The following KCNF1 variants were observed in gnomAD, a reference collection of about 807,000 sequenced individuals.
The protein encoded by KCNF1 is voltage-gated potassium channel regulatory subunit KCNF1.
In KCNF1, 9 loss-of-function variants were observed where a neutral mutation model predicts 28.6. The observed-to-expected ratio is 0.31, with a 90% CI of 0.19 to 0.55. The LOEUF is 0.55. Ranked by LOEUF, KCNF1 falls within the 20% of genes least tolerant of loss-of-function variation. The probability of loss-of-function intolerance (pLI) is 0.93; values close to 1 mark genes in which losing one functional copy is unlikely to be tolerated. For missense variants in KCNF1, 461 were observed against 684.2 expected, an observed-to-expected ratio of 0.67 and a Z score of 3.64; for synonymous variants, 328 against 299.6, an observed-to-expected ratio of 1.09 and a Z score of -0.98.
At position 10,913,739 on chromosome 2, in the gene KCNF1, G is replaced by C; in HGVS notation, c.1313G>C (p.Gly438Ala). 1.2e-6 allele frequency: 2 copies of C among 1,613,452 alleles called. No individual in the cohort carries two copies. Among genetic ancestry groups the C allele is most frequent in the African/African-American group, 1.3e-5 (1 of 75,052 alleles). Residue 438 changes from glycine (G) to alanine (A), a missense_variant, in exon 1 of 1, where the codon GGC becomes GCC. Transcript: ENST00000295082. This position sits in a 1 kb window ranked among gnomAD's most constrained non-coding sequence, Gnocchi z 5.5. Reference sequence around the variant, plus strand: ...ATGGAACTCAACTCCAGCAGCGGGGGCGAGGGCAAGACCGGGGGCTCCCGC... The same window carrying C: ...ATGGAACTCAACTCCAGCAGCGGGGCCGAGGGCAAGACCGGGGGCTCCCGC... ...ELMELNSSSG[G>A]EGKTGGSRSD...
rs1396158118 is a variant in KCNF1, at chr2:10,912,432, C to A, written c.6C>A (p.Asp2Glu). 1.5e-6 allele frequency: 2 copies of A among 1,339,748 alleles called. No individual in the cohort carries two copies. Among genetic ancestry groups the A allele is most frequent in the Non-Finnish European group, 1.9e-6 (2 of 1,047,916 alleles). 83.0% of individuals were successfully genotyped at this position (1,339,748 alleles called of 1,614,324 possible). The change falls in exon 1 of 1, where the codon GAC (aspartate) becomes GAA (glutamate). Residue 2 changes from aspartate (D) to glutamate (E), a missense_variant. Transcript: ENST00000295082. The surrounding 1 kb of genome is among the most constrained non-coding windows in gnomAD (Gnocchi z 7.9). ...CGAGGGCGCGCGCGGGGAGGATGGACGGGTCCGGGGAGCGCAGCCTCCCGG... is the reference window on the plus strand; with the variant it reads ...CGAGGGCGCGCGCGGGGAGGATGGAAGGGTCCGGGGAGCGCAGCCTCCCGG... M[D>E]GSGERSLPEP... is the part of the protein sequence containing the mutation.
In KCNF1 at chr2:10,914,181, C is replaced by T. The variant is rs916566501; in HGVS notation, c.*270C>T. Reference sequence around the variant, plus strand: ...GCGGCCTGGCTGGCACGAGAGCCCACGCCCGCTTCTGTATCTCCCTCAATA... The same window carrying T: ...GCGGCCTGGCTGGCACGAGAGCCCATGCCCGCTTCTGTATCTCCCTCAATA... On this transcript the variant is annotated 3_prime_UTR_variant, in exon 1 of 1. Coordinates refer to ENST00000295082, the MANE Select transcript of KCNF1 (RefSeq NM_002236.5). The T allele has an allele frequency of 1.2e-5, 5 of 408,440 alleles. No homozygotes were observed. Among genetic ancestry groups the T allele is most frequent in the South Asian group, 7.7e-5 (1 of 12,966 alleles). The allele number at this position is 408,440 out of a possible 1,614,324, so 25.3% of individuals were successfully genotyped here.
At position 10,913,714 on chromosome 2, in the gene KCNF1, A is replaced by T. The variant is rs1297767109; in HGVS notation, c.1288A>T (p.Met430Leu). The T allele has an allele frequency of 6.2e-6, 10 of 1,613,868 alleles. No homozygotes were observed. The change falls in exon 1 of 1, where the codon ATG becomes TTG. Residue 430 changes from methionine to leucine, a missense_variant. Physicochemically the swap from Met to Leu is conservative, Grantham distance 15. Transcript: ENST00000295082. The surrounding 1 kb of genome is among the most constrained non-coding windows in gnomAD (Gnocchi z 5.5). ...CGCGGCCAAGCACGAGCTGGAGCTG[A>T]TGGAACTCAACTCCAGCAGCGGGGG... ...ETAAKHELEL[M>L]ELNSSSGGEG... is the part of the protein sequence containing the mutation.
Position 10,912,714 on chromosome 2 carries a change from G to T in KCNF1, c.288G>T (p.Gly96=), listed in dbSNP as rs1259626941. 1.2e-6 allele frequency: 2 copies of T among 1,614,028 alleles called. No homozygotes were observed. The highest frequency in any genetic ancestry group is 4.5e-5 in the East Asian group (2 of 44,880). ...GTGTCATCGAGGTGTACTATTTCGG[G>T]GAGGTCCACATGAAGAAGGGCATCT... is the stretch of plus-strand genomic sequence containing the variant. ...FKCVIEVYYF[G]EVHMKKGICP... The change falls in exon 1 of 1, where the codon GGG becomes GGT. Residue 96 remains glycine, a synonymous_variant. Coordinates refer to ENST00000295082, the MANE Select transcript of KCNF1 (RefSeq NM_002236.5). The surrounding 1 kb of genome is among the most constrained non-coding windows in gnomAD (Gnocchi z 7.9).
At position 10,913,689 on chromosome 2, in the gene KCNF1, C is replaced by A. The variant is rs144040411; in HGVS notation, c.1263C>A (p.Thr421=). Residue 421 remains threonine, a synonymous_variant, in exon 1 of 1, where the codon ACC becomes ACA. Transcript: ENST00000295082. The surrounding 1 kb of genome is among the most constrained non-coding windows in gnomAD (Gnocchi z 5.5). ...ACAACAAGCAGCGCGTCCTGGAGAC[C>A]GCGGCCAAGCACGAGCTGGAGCTGA... is the stretch of plus-strand genomic sequence containing the variant. ...RYYNKQRVLE[T]AAKHELELME... 6.2e-6 allele frequency: 10 copies of A among 1,613,940 alleles called. No individual in the cohort carries two copies. Among genetic ancestry groups the A allele is most frequent in the South Asian group, 2.2e-5 (2 of 91,076 alleles).
chr2:10,913,812 G>A lies in KCNF1; in HGVS notation c.1386G>A (p.Pro462=), dbSNP rs764318856. 8.3e-6 allele frequency: 13 copies of A among 1,573,986 alleles called. No homozygotes were observed. Among genetic ancestry groups the A allele is most frequent in the Admixed American group, 5.4e-5 (3 of 55,262 alleles). Residue 462 remains proline, a synonymous_variant, in exon 1 of 1, where the codon CCG becomes CCA. Coordinates refer to ENST00000295082, the MANE Select transcript of KCNF1 (RefSeq NM_002236.5). The surrounding 1 kb of genome is among the most constrained non-coding windows in gnomAD (Gnocchi z 5.5). ...LPPEPAGKEA[P]SCSSRLKLSH... ...CAGAGCCTGCGGGGAAGGAGGCGCC[G>A]AGCTGCAGCAGCCGGCTGAAGCTCT...
chr2:10,912,789 G>C lies in KCNF1; in HGVS notation c.363G>C (p.Lys121Asn). Residue 121 changes from lysine to asparagine, a missense_variant, in exon 1 of 1, where the codon AAG becomes AAC. Physicochemically the swap from Lys to Asn is moderately conservative, Grantham distance 94. Around this residue, in one of 4 missense-constraint regions of KCNF1, gnomAD observed 193 missense variants for 280.6 expected, o/e 0.69. Coordinates refer to ENST00000295082, the MANE Select transcript of KCNF1 (RefSeq NM_002236.5). This position sits in a 1 kb window ranked among gnomAD's most constrained non-coding sequence, Gnocchi z 7.9. ...NEMDFWKVDLKFLDDCCKSHL... is the reference protein window; with the variant it reads ...NEMDFWKVDLNFLDDCCKSHL... ...TGGACTTCTGGAAGGTGGACCTCAAGTTCCTGGACGACTGTTGCAAGAGCC... is the reference window on the plus strand; with the variant it reads ...TGGACTTCTGGAAGGTGGACCTCAACTTCCTGGACGACTGTTGCAAGAGCC... The C allele has an allele frequency of 6.2e-7, 1 of 1,614,076 alleles. No individual in the cohort carries two copies. Among genetic ancestry groups the C allele is most frequent in the Middle Eastern group, 1.6e-4 (1 of 6,062 alleles).
At position 10,912,489 on chromosome 2, in the gene KCNF1, C is replaced by G; in HGVS notation, c.63C>G (p.Asp21Glu). ...GCAGCCAGAGCTCCGCTGCCAGCGA[C>G]GACATAGAGATAGTCGTCAACGTGG... Reference protein sequence around the residue: ...EPGSQSSAASDDIEIVVNVGG... With the variant: ...EPGSQSSAASEDIEIVVNVGG... Residue 21 changes from aspartate to glutamate, a missense_variant, in exon 1 of 1, where the codon GAC becomes GAG. By Grantham distance (45) the Asp-to-Glu change is conservative. Coordinates refer to ENST00000295082, the MANE Select transcript of KCNF1 (RefSeq NM_002236.5). This position sits in a 1 kb window ranked among gnomAD's most constrained non-coding sequence, Gnocchi z 7.9. 6.5e-7 allele frequency: 1 copy of G among 1,546,016 alleles called. No homozygotes were observed. Among genetic ancestry groups the G allele is most frequent in the East Asian group, 2.3e-5 (1 of 43,100 alleles).
rs1558490017 is a variant in KCNF1, at chr2:10,913,869, CGAG to C, written c.1447_1449del (p.Glu483del). 6.6e-7 allele frequency: 1 copy of C among 1,525,930 alleles called. No individual in the cohort carries two copies. Among genetic ancestry groups the C allele is most frequent in the Non-Finnish European group, 8.8e-7 (1 of 1,139,078 alleles). 94.5% of individuals were successfully genotyped at this position (1,525,930 alleles called of 1,614,324 possible). A position where few individuals can be genotyped will look rare whatever the true frequency, so the allele number is the denominator to read the frequency against. ...GCGACACCTTCATCCCCCTCCTGAC[CGAG>C]GAGAAGCACCACAGGACCCGGCTCC... On this transcript the variant is annotated inframe_deletion, in exon 1 of 1. Coordinates refer to ENST00000295082, the MANE Select transcript of KCNF1 (RefSeq NM_002236.5). The surrounding 1 kb of genome is among the most constrained non-coding windows in gnomAD (Gnocchi z 5.5).
Position 10,912,347 on chromosome 2 carries a change from C to T in KCNF1, c.-80C>T. The T allele has an allele frequency of 8.9e-7, 1 of 1,121,008 alleles. No homozygotes were observed. The highest frequency in any genetic ancestry group is 1.1e-6 in the Non-Finnish European group (1 of 896,536). 69.4% of individuals were successfully genotyped at this position (1,121,008 alleles called of 1,614,324 possible). A position where few individuals can be genotyped will look rare whatever the true frequency, so the allele number is the denominator to read the frequency against. On this transcript the variant is annotated 5_prime_UTR_variant, in exon 1 of 1. Transcript: ENST00000295082. The surrounding 1 kb of genome is among the most constrained non-coding windows in gnomAD (Gnocchi z 7.9). ...CCCCGAGATCAGCGCACGGGTGGCACCCGCCGGACCCCCAGCGGCAGCGGC... is the reference window on the plus strand; with the variant it reads ...CCCCGAGATCAGCGCACGGGTGGCATCCGCCGGACCCCCAGCGGCAGCGGC...
rs1410590337 is a variant in KCNF1 at position 10,913,753 on chromosome 2, G to T, written c.1327G>T (p.Gly443Trp). The T allele has an allele frequency of 2.5e-6, 4 of 1,611,946 alleles. No individual in the cohort carries two copies. The highest frequency in any genetic ancestry group is 3.4e-6 in the Non-Finnish European group (4 of 1,179,094). ...NSSSGGEGKTGGSRSDLDNLP... is the reference protein window; with the variant it reads ...NSSSGGEGKTWGSRSDLDNLP... ...CAGCAGCGGGGGCGAGGGCAAGACC[G>T]GGGGCTCCCGCAGTGACCTGGACAA... Residue 443 changes from glycine (G) to tryptophan (W), a missense_variant, in exon 1 of 1, where the codon GGG becomes TGG. This residue lies in a region of KCNF1 where 101 missense variants were observed against 102.2 expected (regional missense o/e 0.99). Coordinates refer to ENST00000295082, the MANE Select transcript of KCNF1 (RefSeq NM_002236.5). The surrounding 1 kb of genome is among the most constrained non-coding windows in gnomAD (Gnocchi z 5.5).
At position 10,913,090 on chromosome 2, in the gene KCNF1, C is replaced by A. The variant is rs754554904; in HGVS notation, c.664C>A (p.Leu222Met). 1 of 1,609,138 alleles carries A rather than the reference C, an allele frequency of 6.2e-7. No individual in the cohort carries two copies. Among genetic ancestry groups the A allele is most frequent in the East Asian group, 2.2e-5 (1 of 44,886 alleles). ...GGGCAACCGCGTGGAGCACCCGACG[C>A]TGGAGAACGTGGAGACGGCGTGCAT... is the stretch of plus-strand genomic sequence containing the variant. ...AEGNRVEHPT[L>M]ENVETACIGW... The change falls in exon 1 of 1, where the codon CTG becomes ATG. Residue 222 changes from leucine to methionine, a missense_variant. Leu to Met is a conservative substitution (Grantham distance 15, BLOSUM62 2). Transcript: ENST00000295082. This position sits in a 1 kb window ranked among gnomAD's most constrained non-coding sequence, Gnocchi z 5.5.
In KCNF1 at chr2:10,912,884, G is replaced by A; in HGVS notation, c.458G>A (p.Gly153Asp). ...RRVQLILDDL[G>D]VDAAEGRWRR... is the part of the protein sequence containing the mutation. ...GTGCAGCTCATCCTGGACGACCTGG[G>A]CGTGGACGCAGCCGAGGGCCGCTGG... is the stretch of plus-strand genomic sequence containing the variant. The change falls in exon 1 of 1, where the codon GGC becomes GAC. Residue 153 changes from glycine (G) to aspartate (D), a missense_variant. Transcript: ENST00000295082. The surrounding 1 kb of genome is among the most constrained non-coding windows in gnomAD (Gnocchi z 7.9). 1 of 1,612,842 alleles carries A rather than the reference G, an allele frequency of 6.2e-7. No individual in the cohort carries two copies. Among genetic ancestry groups the A allele is most frequent in the Non-Finnish European group, 8.5e-7 (1 of 1,179,780 alleles).
Position 10,913,742 on chromosome 2 carries a change from A to G in KCNF1, c.1316A>G (p.Glu439Gly), listed in dbSNP as rs1661581806. Residue 439 changes from glutamate (E) to glycine (G), a missense_variant, in exon 1 of 1, where the codon GAG becomes GGG. Around this residue, in one of 4 missense-constraint regions of KCNF1, gnomAD observed 101 missense variants for 102.2 expected, o/e 0.99. Coordinates refer to ENST00000295082, the MANE Select transcript of KCNF1 (RefSeq NM_002236.5). The surrounding 1 kb of genome is among the most constrained non-coding windows in gnomAD (Gnocchi z 5.5). ...GAACTCAACTCCAGCAGCGGGGGCG[A>G]GGGCAAGACCGGGGGCTCCCGCAGT... ...LMELNSSSGGEGKTGGSRSDL... is the reference protein window; with the variant it reads ...LMELNSSSGGGGKTGGSRSDL... 5 of 1,613,364 alleles carry G rather than the reference A, an allele frequency of 3.1e-6. No individual in the cohort carries two copies. The highest frequency in any genetic ancestry group is 4.2e-6 in the Non-Finnish European group (5 of 1,179,786).
chr2:10,913,164 C>T lies in KCNF1; in HGVS notation c.738C>T (p.Asn246=). 1 of 1,613,364 alleles carries T rather than the reference C, an allele frequency of 6.2e-7. No homozygotes were observed. Among genetic ancestry groups the T allele is most frequent in the Non-Finnish European group, 8.5e-7 (1 of 1,180,038 alleles). The change falls in exon 1 of 1, where the codon AAC becomes AAT. Residue 246 remains asparagine (N), a synonymous_variant. Coordinates refer to ENST00000295082, the MANE Select transcript of KCNF1 (RefSeq NM_002236.5). This position sits in a 1 kb window ranked among gnomAD's most constrained non-coding sequence, Gnocchi z 5.5. ...EYLLRLFSSP[N]KLHFALSFMN... ...TGCTGCGCCTCTTCTCGTCACCCAA[C>T]AAGCTGCACTTCGCGCTGTCCTTCA... is the stretch of plus-strand genomic sequence containing the variant.
In KCNF1 at chr2:10,913,140, G is replaced by A. The variant is rs1240533039; in HGVS notation, c.714G>A (p.Leu238=). 2 of 1,612,776 alleles carry A rather than the reference G, an allele frequency of 1.2e-6. No individual in the cohort carries two copies. The highest frequency in any genetic ancestry group is 1.7e-6 in the Non-Finnish European group (2 of 1,180,032). The change falls in exon 1 of 1, where the codon CTG becomes CTA. Residue 238 remains leucine, a synonymous_variant. Transcript: ENST00000295082. This position sits in a 1 kb window ranked among gnomAD's most constrained non-coding sequence, Gnocchi z 5.5. Reference sequence around the variant, plus strand: ...TTGGCTGGTTCACCCTGGAGTACCTGCTGCGCCTCTTCTCGTCACCCAACA... The same window carrying A: ...TTGGCTGGTTCACCCTGGAGTACCTACTGCGCCTCTTCTCGTCACCCAACA... ...ACIGWFTLEY[L]LRLFSSPNKL...
chr2:10,912,461 C>A lies in KCNF1; in HGVS notation c.35C>A (p.Pro12Gln), dbSNP rs979626268. ...TCCGGGGAGCGCAGCCTCCCGGAGCCGGGCAGCCAGAGCTCCGCTGCCAGC... is the reference window on the plus strand; with the variant it reads ...TCCGGGGAGCGCAGCCTCCCGGAGCAGGGCAGCCAGAGCTCCGCTGCCAGC... ...DGSGERSLPE[P>Q]GSQSSAASDD... The change falls in exon 1 of 1, where the codon CCG (proline) becomes CAG (glutamine). Residue 12 changes from proline to glutamine, a missense_variant. Coordinates refer to ENST00000295082, the MANE Select transcript of KCNF1 (RefSeq NM_002236.5). The surrounding 1 kb of genome is among the most constrained non-coding windows in gnomAD (Gnocchi z 7.9). 5 of 1,474,746 alleles carry A rather than the reference C, an allele frequency of 3.4e-6. No individual in the cohort carries two copies. Among genetic ancestry groups the A allele is most frequent in the Non-Finnish European group, 4.5e-6 (5 of 1,113,858 alleles). The allele number at this position is 1,474,746 out of a possible 1,614,324, so 91.4% of individuals were successfully genotyped here. A position where few individuals can be genotyped will look rare whatever the true frequency, so the allele number is the denominator to read the frequency against.
rs1346277621 is a variant in KCNF1 at position 10,913,640 on chromosome 2, T to C, written c.1214T>C (p.Ile405Thr). 1 of 1,613,306 alleles carries C rather than the reference T, an allele frequency of 6.2e-7. No homozygotes were observed. Among genetic ancestry groups the C allele is most frequent in the South Asian group, 1.1e-5 (1 of 91,074 alleles). ...VIAIALPIHPIINNFVRYYNK... is the reference protein window; with the variant it reads ...VIAIALPIHPTINNFVRYYNK... ...GCCATCGCCCTGCCCATCCACCCCATCATCAACAACTTTGTCAGGTACTAC... is the reference window on the plus strand; with the variant it reads ...GCCATCGCCCTGCCCATCCACCCCACCATCAACAACTTTGTCAGGTACTAC... The change falls in exon 1 of 1, where the codon ATC becomes ACC. Residue 405 changes from isoleucine to threonine, a missense_variant. Transcript: ENST00000295082. The surrounding 1 kb of genome is among the most constrained non-coding windows in gnomAD (Gnocchi z 5.5).
Position 10,913,071 on chromosome 2 carries a change from C to T in KCNF1, c.645C>T (p.Asn215=). 1 of 1,606,512 alleles carries T rather than the reference C, an allele frequency of 6.2e-7. No homozygotes were observed. Among genetic ancestry groups the T allele is most frequent in the Non-Finnish European group, 8.5e-7 (1 of 1,180,002 alleles). ...TGCAGGTGCTGGACGCCGAGGGCAA[C>T]CGCGTGGAGCACCCGACGCTGGAGA... The part of the protein sequence containing the change: ...PELQVLDAEG[N]RVEHPTLENV... Residue 215 remains asparagine, a synonymous_variant, in exon 1 of 1, where the codon AAC becomes AAT. Coordinates refer to ENST00000295082, the MANE Select transcript of KCNF1 (RefSeq NM_002236.5). The surrounding 1 kb of genome is among the most constrained non-coding windows in gnomAD (Gnocchi z 5.5).
Sources: gnomAD v4.1 joint callset for allele counts on GRCh38, gnomAD v4.1.1 for gene constraint, gnomAD v4.1.1 regional missense constraint, Gnocchi (gnomAD v3.1) non-coding constraint, MANE v1.5 for transcripts, NCBI Gene and HGNC (gene_info 2026-07-23, HGNC 2026-07-21) for gene names.